Variants in TLL2 observed in about 807,000 individuals in gnomAD.
The protein encoded by TLL2 is tolloid-like protein 2.
In TLL2, 106 loss-of-function variants were observed where a neutral mutation model predicts 123.0. The ratio of observed to expected loss-of-function variants is 0.86; its 90% CI spans 0.74 to 1.01. The LOEUF is 1.01. Among genes scored for constraint, TLL2 ranks in the 50% least tolerant of loss-of-function variants. TLL2 has a pLI of 0.00. For missense variants in TLL2, 1,332 were observed against 1,336.7 expected, an observed-to-expected ratio of 1.00 and a Z score of 0.06; for synonymous variants, 494 against 516.8, an observed-to-expected ratio of 0.96 and a Z score of 0.60.
At chr10:96,495,717 A>G (rs1277946771) in intron 1 of TLL2, among the ~76,000 whole-genome samples, 5 of 152,126 alleles carry the variant, frequency 3.3e-5, no homozygotes, top group African/African-American at 1.2e-4. Context: ...AGGAGAGGAA[A>G]CAGGCGAGAT....
At chr10:96,411,294 A>AAAAAG (rs1846503704) in intron 8 of TLL2, among the ~76,000 whole-genome samples, 1 of 122,808 alleles carries the variant, frequency 8.1e-6, no homozygotes, top group Non-Finnish European at 1.8e-5. Context: ...AAAAAAAAAA[A>AAAAAG]GTGGAAGTAG....
chr10:96,391,606 C>T (rs531928066), intron 13 of TLL2, among the ~76,000 whole-genome samples: 1 of 152,312 alleles, frequency 6.6e-6, no homozygotes, highest in South Asian at 2.1e-4. Flanking sequence ...TCAGCTTCCT[C>T]AACTGGAAAA....
rs61746114 is a variant in TLL2 at position 96,384,734 on chromosome 10, C to T, written c.2047G>A (p.Gly683Ser). ...CKYDFVEVRS[G>S]LSPDAKLHGR... ...TGCAGCTTGGCGTCGGGGGACAGGC[C>T]GCTGCGCACCTCTACAAAGTCGTAC... Residue 683 changes from glycine (G) to serine (S), a missense_variant, in exon 16 of 21, where the codon GGC becomes AGC. Physicochemically the swap from Gly to Ser is moderately conservative, Grantham distance 56. Transcript: ENST00000357947. The T allele has an allele frequency of 6.3e-4, 1,007 of 1,606,766 alleles. 5 individuals are homozygous for T. The African/African-American group carries it at 0.012, about 19-fold the overall frequency.
chr10:96,500,161 T>TCCCTACCAAAAAAAAAAAAAAAAA (rs1847521050), intron 1 of TLL2, among the ~76,000 whole-genome samples: 2 of 68,156 alleles, frequency 2.9e-5, no homozygotes, highest in Non-Finnish European at 6.1e-5. Context: ...AAAAAAAAAA[T>TCCCTACCAAAAAAAAAAAAAAAAA]ACAAAAATTA....
chr10:96,446,670 A>T (rs1270044222), intron 2 of TLL2, among the ~76,000 whole-genome samples: 1 of 152,198 alleles, frequency 6.6e-6, no homozygotes, highest in African/African-American at 2.4e-5. Context: ...TCTGTGGGGT[A>T]AGCCTCCGTG....
At position 96,370,145 on chromosome 10, in the gene TLL2, C is replaced by A. The variant is rs774541790; in HGVS notation, c.2833G>T (p.Asp945Tyr). The change falls in exon 20 of 21, where the codon GAC (aspartate) becomes TAC (tyrosine). Residue 945 changes from aspartate to tyrosine, a missense_variant. Asp to Tyr is a radical substitution (Grantham distance 160). Coordinates refer to ENST00000357947, the MANE Select transcript of TLL2 (RefSeq NM_012465.4). ...GCTTCCATGTAGTCGTAGCCGCAGT[C>A]GGCCTCCTCCTCAACCTCAAAGGTC... ...FRTFEVEEEA[D>Y]CGYDYMEAYD... 1.2e-6 allele frequency: 2 copies of A among 1,613,938 alleles called. No individual in the cohort carries two copies. Among genetic ancestry groups the A allele is most frequent in the Non-Finnish European group, 1.7e-6 (2 of 1,179,972 alleles).
At chr10:96,513,381 C>CG in intron 1 of TLL2, 130 bp downstream of exon 1, 2 of 1,182,282 alleles carry the variant, frequency 1.7e-6, no homozygotes, top group Non-Finnish European at 1.2e-6. Flanking sequence ...CATTGTCTTC[C>CG]GGGGGAGCCG....
In TLL2 at chr10:96,384,861, C is replaced by G. The variant is rs1004439153; in HGVS notation, c.2014-94G>C. 7 of 1,287,450 alleles carry G rather than the reference C, an allele frequency of 5.4e-6. No homozygotes were observed. The African/African-American group carries it at 1.1e-4, about 20-fold the overall frequency. The allele number at this position is 1,287,450 out of a possible 1,614,324, so 79.8% of individuals were successfully genotyped here. On this transcript the variant is annotated intron_variant, in intron 15 of 20. Transcript: ENST00000357947. ...GCACCTGCTTCCTGAGCGCCTCACC[C>G]TACCGTGTGTGGCGGGGGAGGGTCC...
intron 1 of TLL2, among the ~76,000 whole-genome samples, chr10:96,501,331 C>T (rs771023662): frequency 5.3e-5 from 8 of 152,176 alleles, no homozygotes; most frequent in South Asian, 4.1e-4. Context: ...ATCTCAGCTC[C>T]GGACCCCTCC....
chr10:96,398,546 T>A (rs187317890), intron 10 of TLL2, among the ~76,000 whole-genome samples: 1 of 152,358 alleles, frequency 6.6e-6, no homozygotes. Context: ...ACATTTGTAT[T>A]TTCTTAGACA....
intron 2 of TLL2, among the ~76,000 whole-genome samples, chr10:96,451,990 A>T (rs1025317990): frequency 1.3e-5 from 2 of 152,216 alleles, no homozygotes; most frequent in South Asian, 2.1e-4. Context: ...AAAAGAAAAA[A>T]ATATATATCC....
chr10:96,469,369 C>CTTTTGA (rs1847157438), intron 2 of TLL2, among the ~76,000 whole-genome samples: 1 of 152,256 alleles, frequency 6.6e-6, no homozygotes, highest in Non-Finnish European at 1.5e-5. Flanking sequence ...AAGAACCAGT[C>CTTTTGA]GCTCTTGCCT....
At chr10:96,474,520 G>C (rs1847217724) in intron 2 of TLL2, among the ~76,000 whole-genome samples, 1 of 152,198 alleles carries the variant, frequency 6.6e-6, no homozygotes, top group African/African-American at 2.4e-5. Context: ...AGCTAGAACA[G>C]AGGCTGTAAG....
intron 3 of TLL2, 152 bp downstream of exon 3, chr10:96,445,939 G>A: frequency 1.3e-6 from 1 of 764,240 alleles, no homozygotes; most frequent in Non-Finnish European, 2.1e-6. Context: ...AAAAGTTCTG[G>A]AACTCAATAG....
intron 3 of TLL2, among the ~76,000 whole-genome samples, chr10:96,440,141 G>T (rs1439324106): frequency 6.6e-6 from 1 of 152,096 alleles, no homozygotes; most frequent in African/African-American, 2.4e-5. Context: ...GCCCTCTACG[G>T]AAGATATTCT....
Position 96,386,098 on chromosome 10 carries a change from C to T in TLL2, c.1970G>A (p.Arg657Gln), listed in dbSNP as rs374900761. ...AAACACTTCAAACTGAAGGGAGATC[C>T]GGTACTGAGCGGGGGCCACCACCTG... is the stretch of plus-strand genomic sequence containing the variant. The part of the protein sequence containing the change: ...VWQVVAPAQY[R>Q]ISLQFEVFEL... The change falls in exon 15 of 21, where the codon CGG becomes CAG. Residue 657 changes from arginine (R) to glutamine (Q), a missense_variant. Transcript: ENST00000357947. 164 of 1,610,968 alleles carry T rather than the reference C, an allele frequency of 1.0e-4. No homozygotes were observed. The highest frequency in any genetic ancestry group is 1.3e-4 in the Non-Finnish European group (150 of 1,178,640).
At chr10:96,396,583 T>TTTC (rs922091115) in intron 11 of TLL2, among the ~76,000 whole-genome samples, 5 of 145,746 alleles carry the variant, frequency 3.4e-5, no homozygotes, top group Non-Finnish European at 7.6e-5. Flanking sequence ...TCCCCTTTCT[T>TTTC]TTTTTTTTTT....
intron 1 of TLL2, among the ~76,000 whole-genome samples, chr10:96,504,749 GT>G (rs1362591159): frequency 6.6e-6 from 1 of 152,246 alleles, no homozygotes; most frequent in African/African-American, 2.4e-5. Flanking sequence ...GCTCACACCT[GT>G]AATCCCAGCA....
chr10:96,424,247 CA>C (rs879000563), intron 5 of TLL2, among the ~76,000 whole-genome samples: 1 of 151,634 alleles, frequency 6.6e-6, no homozygotes, highest in South Asian at 2.1e-4. Context: ...ACTATTTGAC[CA>C]AAAAAACAGA....
Sources: allele counts gnomAD v4.1 joint callset (sites outside exome capture counted in the v4.1 genomes callset), GRCh38; gene constraint gnomAD v4.1.1; transcripts MANE v1.5; gene names NCBI Gene and HGNC (gene_info 2026-07-23, HGNC 2026-07-21).